Variants in GRAMD1B observed in about 807,000 individuals in gnomAD.
GRAMD1B encodes the protein GRAM domain containing 1B.
In GRAMD1B, 37 loss-of-function variants were observed where a neutral mutation model predicts 99.7. That is an observed-to-expected ratio of 0.37 (90% CI 0.29 to 0.49). GRAMD1B has a LOEUF of 0.49. Ranked by LOEUF, GRAMD1B falls within the 20% of genes least tolerant of loss-of-function variation. The pLI is 0.98. For synonymous variants in GRAMD1B, 427 were observed against 387.6 expected (o/e 1.10, Z -1.19); for missense variants, 888 against 1,009.2 (o/e 0.88, Z 1.63).
chr11:123,464,580 G>C (rs1223081322), intron 1 of GRAMD1B, among the ~76,000 whole-genome samples: 1 of 152,216 alleles, frequency 6.6e-6, no homozygotes, highest in Non-Finnish European at 1.5e-5. Flanking sequence ...TCAAACCTGA[G>C]ATGCCTGTTA....
At chr11:123,619,403 A>C (rs1954848446) in intron 19 of GRAMD1B, 179 bp downstream of exon 19, 7 of 1,467,204 alleles carry the variant, frequency 4.8e-6, no homozygotes, top group Non-Finnish European at 6.3e-6. Context: ...GGCTGCTAGA[A>C]ATGCAGGTGT....
intron 8 of GRAMD1B, among the ~76,000 whole-genome samples, chr11:123,601,350 A>G (rs1297779023): frequency 1.3e-5 from 2 of 152,012 alleles, no homozygotes; most frequent in East Asian, 3.9e-4. Flanking sequence ...GCGCCACTGC[A>G]TTCCAGCCTG....
chr11:123,594,090 C>T lies in GRAMD1B; in HGVS notation c.693C>T (p.Ser231=), dbSNP rs759608398. ...TGGCTATTGTCACGCAGGTGTTAAG[C>T]CCCACCTACAAGCAGAGAAATGAAG... ...KKSQSWYNVL[S]PTYKQRNEDF... is the part of the protein sequence containing the mutation. Residue 231 remains serine, a synonymous_variant, in exon 5 of 20, where the codon AGC becomes AGT. Coordinates refer to ENST00000635736, the MANE Select transcript of GRAMD1B (RefSeq NM_001387025.1). The T allele has an allele frequency of 6.7e-5, 108 of 1,608,554 alleles. No homozygotes were observed. The highest frequency in any genetic ancestry group is 9.0e-5 in the Non-Finnish European group (106 of 1,174,968).
chr11:123,386,346 G>T (rs1266516401), intron 1 of GRAMD1B, among the ~76,000 whole-genome samples: 2 of 152,074 alleles, frequency 1.3e-5, no homozygotes, highest in Non-Finnish European at 2.9e-5. Flanking sequence ...CCTCCTCAAG[G>T]GGTGTCCTTC....
At chr11:123,600,111 T>C (rs1148095) in intron 7 of GRAMD1B, among the ~76,000 whole-genome samples, 124,974 of 152,190 alleles carry the variant, frequency 0.82, 51,556 homozygotes, top group East Asian at 0.99. Flanking sequence ...GATTGTGGGT[T>C]TGTCTTGTCC....
At chr11:123,413,309 G>A (rs1178954809) in intron 1 of GRAMD1B, among the ~76,000 whole-genome samples, 1 of 152,164 alleles carries the variant, frequency 6.6e-6, no homozygotes, top group Non-Finnish European at 1.5e-5. Flanking sequence ...TCTGAGAAAT[G>A]GAGCAAAGCA....
chr11:123,390,322 T>G (rs962043675), intron 1 of GRAMD1B, among the ~76,000 whole-genome samples: 17 of 152,160 alleles, frequency 1.1e-4, no homozygotes, highest in African/African-American at 4.1e-4. Context: ...GGAGCCCCTG[T>G]GTCCACCCAT....
intron 2 of GRAMD1B, among the ~76,000 whole-genome samples, chr11:123,574,769 G>A (rs1214435201): frequency 6.6e-6 from 1 of 152,228 alleles, no homozygotes; most frequent in East Asian, 1.9e-4. Flanking sequence ...GCTAGCGACT[G>A]TGACCAGGGC....
chr11:123,505,636 A>T lies in GRAMD1B; in HGVS notation c.452+24743A>T, dbSNP rs562475687. 2.6e-5 allele frequency among the ~76,000 whole-genome samples: 4 copies of T among 152,314 alleles called. No homozygotes were observed. The East Asian group carries it at 7.7e-4, about 29-fold the overall frequency. ...TGTCTTATAGATGAGGAAATGGGGC[A>T]CACAGGGCTAAGTAACTTGCTCAAG... is the stretch of plus-strand genomic sequence containing the variant. On this transcript the variant is annotated intron_variant, in intron 2 of 19. Transcript: ENST00000635736.
chr11:123,495,120 C>T (rs1939084189), intron 2 of GRAMD1B, among the ~76,000 whole-genome samples: 1 of 151,194 alleles, frequency 6.6e-6, no homozygotes, highest in Admixed American at 6.6e-5. Flanking sequence ...TACATACACA[C>T]ACACACACAC....
At chr11:123,436,596 G>C (rs1272287092) in intron 1 of GRAMD1B, among the ~76,000 whole-genome samples, 4 of 152,210 alleles carry the variant, frequency 2.6e-5, no homozygotes, top group Non-Finnish European at 5.9e-5. Flanking sequence ...TGGAGCTTGG[G>C]AGAGACACTC....
chr11:123,453,614 G>A (rs954736862), intron 1 of GRAMD1B, among the ~76,000 whole-genome samples: 16 of 152,288 alleles, frequency 1.1e-4, no homozygotes, highest in African/African-American at 3.9e-4. Flanking sequence ...ACCGTGCCTG[G>A]CAATATATAG....
chr11:123,399,153 T>C (rs934005633), intron 1 of GRAMD1B, among the ~76,000 whole-genome samples: 1 of 152,248 alleles, frequency 6.6e-6, no homozygotes, highest in Admixed American at 6.5e-5. Context: ...TTGACTTTTT[T>C]AGATTCCATA....
chr11:123,512,995 C>T (rs1001259711), intron 2 of GRAMD1B, among the ~76,000 whole-genome samples: 3 of 152,140 alleles, frequency 2.0e-5, no homozygotes, highest in Non-Finnish European at 1.5e-5. Flanking sequence ...AGTCTAGGTA[C>T]AAAGCCCAGG....
In GRAMD1B at chr11:123,623,103, G is replaced by A. The variant is rs1488216877; in HGVS notation, c.*508G>A. ...TCTTGGGAACACAGAAGCATCAAGG[G>A]AGCCCAGTCTAAACTCCTAGGGTTG... On this transcript the variant is annotated 3_prime_UTR_variant, in exon 20 of 20. Coordinates refer to ENST00000635736, the MANE Select transcript of GRAMD1B (RefSeq NM_001387025.1). The A allele has an allele frequency of 2.0e-5, 3 of 152,170 alleles. No individual in the cohort carries two copies. The highest frequency in any genetic ancestry group is 1.9e-4 in the East Asian group (1 of 5,200). 9.4% of individuals were successfully genotyped at this position (152,170 alleles called of 1,614,324 possible). A position where few individuals can be genotyped will look rare whatever the true frequency, so the allele number is the denominator to read the frequency against.
chr11:123,598,486 G>T, intron 7 of GRAMD1B: 1 of 1,191,658 alleles, frequency 8.4e-7, no homozygotes, highest in South Asian at 1.2e-5. Context: ...TGGGCTTCTA[G>T]AAAAGCAATG....
At chr11:123,616,959 C>A (rs1954492366) in intron 17 of GRAMD1B, among the ~76,000 whole-genome samples, 1 of 152,146 alleles carries the variant, frequency 6.6e-6, no homozygotes, top group African/African-American at 2.4e-5. Context: ...GCCTTGGGGA[C>A]AACTCAGAGA....
At chr11:123,523,041 C>T (rs1942347179) in intron 2 of GRAMD1B, among the ~76,000 whole-genome samples, 1 of 152,054 alleles carries the variant, frequency 6.6e-6, no homozygotes, top group African/African-American at 2.4e-5. Context: ...AATTAAGGCA[C>T]TACAGTTAGG....
chr11:123,438,192 A>G (rs566054989), intron 1 of GRAMD1B, among the ~76,000 whole-genome samples: 1 of 152,156 alleles, frequency 6.6e-6, no homozygotes, highest in South Asian at 2.1e-4. Flanking sequence ...CCTCACAACA[A>G]TGCCTCGGTC....
Sources: gnomAD v4.1 joint callset for allele counts (sites outside exome capture counted in the v4.1 genomes callset) on GRCh38, gnomAD v4.1.1 for gene constraint, MANE v1.5 for transcripts, NCBI Gene and HGNC (gene_info 2026-07-23, HGNC 2026-07-21) for gene names.